Variants in MIA2 observed in about 807,000 individuals in gnomAD.
The protein encoded by MIA2 is MIA SH3 domain ER export factor 2.
In MIA2, 127 loss-of-function variants were observed where a neutral mutation model predicts 167.8. The ratio of observed to expected loss-of-function variants is 0.76; its 90% CI spans 0.66 to 0.88. The LOEUF (loss-of-function observed/expected upper bound fraction) is 0.88, where lower values mean the gene tolerates loss of function less well. Among genes scored for constraint, MIA2 ranks in the 40% least tolerant of loss-of-function variants. The pLI is 0.00. For synonymous variants in MIA2, 552 were observed against 541.9 expected (o/e 1.02, Z -0.26); for missense variants, 1,690 against 1,624.7 (o/e 1.04, Z -0.69).
At chr14:39,264,598 A>G (rs1416463740) in intron 6 of MIA2, among the ~76,000 whole-genome samples, 1 of 152,206 alleles carries the variant, frequency 6.6e-6, no homozygotes, top group African/African-American at 2.4e-5. Flanking sequence ...CAGAATATAC[A>G]ATGGAAATTA....
At chr14:39,250,922 A>G (rs957377665) in intron 4 of MIA2, among the ~76,000 whole-genome samples, 1 of 151,984 alleles carries the variant, frequency 6.6e-6, no homozygotes. Context: ...CCAAAACACT[A>G]CAATATTAAA....
chr14:39,343,625 T>C (rs1189065797), intron 25 of MIA2, among the ~76,000 whole-genome samples: 24 of 152,206 alleles, frequency 1.6e-4, no homozygotes, highest in Admixed American at 1.6e-3. Flanking sequence ...TTCCATTCTT[T>C]CTTTCTAATC....
Position 39,319,240 on chromosome 14 carries a change from T to G in MIA2, c.3316T>G (p.Leu1106Val), listed in dbSNP as rs1437174386. The G allele has an allele frequency of 2.5e-6, 4 of 1,576,938 alleles. No individual in the cohort carries two copies. Among genetic ancestry groups the G allele is most frequent in the Non-Finnish European group, 3.5e-6 (4 of 1,159,314 alleles). Reference protein sequence around the residue: ...LTETELKFELLEKDPYALDVP... With the variant: ...LTETELKFELVEKDPYALDVP... ...TGAAACAGAGCTTAAATTTGAACTT[T>G]TAGAAAAAGATCCTTATGCACTCGA... is the stretch of plus-strand genomic sequence containing the variant. The change falls in exon 23 of 29, where the codon TTA (leucine) becomes GTA (valine). Residue 1106 changes from leucine (L) to valine (V), a missense_variant. Leu to Val is a conservative substitution (Grantham distance 32). Transcript: ENST00000640607.
downstream of MIA2, among the ~76,000 whole-genome samples, chr14:39,351,721 G>A (rs1016940236): frequency 3.9e-5 from 6 of 152,018 alleles, no homozygotes; most frequent in Non-Finnish European, 7.4e-5. Flanking sequence ...AAACCTCACC[G>A]CAGTCTCCCA....
At chr14:39,290,330 T>A (rs115774422) in intron 9 of MIA2, among the ~76,000 whole-genome samples, 1,573 of 143,928 alleles carry the variant, frequency 0.011, 28 homozygotes, top group African/African-American at 0.04. Context: ...AGATATATAT[T>A]TTTTTTTTTG....
intron 22 of MIA2, among the ~76,000 whole-genome samples, chr14:39,318,677 G>A (rs2065903844): frequency 6.6e-6 from 1 of 152,072 alleles, no homozygotes; most frequent in Admixed American, 6.6e-5. Flanking sequence ...CTTTTAAAAT[G>A]TCACATTTGT....
At chr14:39,362,676 T>C (rs932861856) in intron 23 of MIA2, among the ~76,000 whole-genome samples, 1 of 152,198 alleles carries the variant, frequency 6.6e-6, no homozygotes, top group Non-Finnish European at 1.5e-5. Flanking sequence ...TAGTCTCTAT[T>C]TTGTTTAGTT....
intron 6 of MIA2, among the ~76,000 whole-genome samples, chr14:39,256,498 T>C (rs912662476): frequency 6.6e-6 from 1 of 152,182 alleles, no homozygotes; most frequent in Non-Finnish European, 1.5e-5. Flanking sequence ...GGATCAACAC[T>C]ACATTTTTCT....
At chr14:39,287,896 G>A (rs894303542) in intron 9 of MIA2, among the ~76,000 whole-genome samples, 2 of 152,054 alleles carry the variant, frequency 1.3e-5, no homozygotes, top group Non-Finnish European at 2.9e-5. Context: ...CCAGGATGGA[G>A]TGCAGTGGCA....
At chr14:39,246,285 A>AC (rs2054305306) in intron 3 of MIA2, among the ~76,000 whole-genome samples, 3 of 151,692 alleles carry the variant, frequency 2.0e-5, no homozygotes, top group Admixed American at 2.0e-4. Flanking sequence ...TTTAGTAGAG[A>AC]TGGGTTTCGC....
chr14:39,347,816 TTC>T (rs368338756), intron 27 of MIA2, 45 bp downstream of exon 27: 218 of 1,085,426 alleles, frequency 2.0e-4, no homozygotes, highest in South Asian at 3.4e-4. Flanking sequence ...TTCAGAAGCC[TTC>T]TTTTTTTTTT....
chr14:39,331,576 T>C (rs2068882423), intron 25 of MIA2, among the ~76,000 whole-genome samples: 1 of 152,006 alleles, frequency 6.6e-6, no homozygotes, highest in Non-Finnish European at 1.5e-5. Context: ...TTTTGTTGTG[T>C]TTTTGCAGTG....
chr14:39,324,152 T>C (rs1011091871), intron 24 of MIA2, among the ~76,000 whole-genome samples: 1 of 152,230 alleles, frequency 6.6e-6, no homozygotes, highest in African/African-American at 2.4e-5. Flanking sequence ...TTAGAACTTT[T>C]AGGTTTGTAA....
At chr14:39,277,770 A>ATATATGTGTG (rs2058364989) in intron 7 of MIA2, among the ~76,000 whole-genome samples, 1 of 38,842 alleles carries the variant, frequency 2.6e-5, no homozygotes, top group Non-Finnish European at 4.7e-5. Context: ...ATATATATAT[A>ATATATGTGTG]TATATATATA....
At chr14:39,246,871 GTACA>G in intron 3 of MIA2, 36 bp from the exon 4 acceptor site, 11 of 1,148,158 alleles carry the variant, frequency 9.6e-6, no homozygotes, top group Non-Finnish European at 1.3e-5. Flanking sequence ...AGGAGCTCTA[GTACA>G]TTCATGTTAA....
chr14:39,322,539 C>CAAAAA (rs541740480), intron 24 of MIA2, among the ~76,000 whole-genome samples: 2 of 78,216 alleles, frequency 2.6e-5, no homozygotes, highest in African/African-American at 4.8e-5. Context: ...GACTCCGTCT[C>CAAAAA]AAAAAAAAAA....
intron 24 of MIA2, among the ~76,000 whole-genome samples, chr14:39,324,854 A>G (rs2067161501): frequency 6.6e-6 from 1 of 151,958 alleles, no homozygotes; most frequent in Non-Finnish European, 1.5e-5. Context: ...TGATCCGCCC[A>G]CCTCGGCCTC....
chr14:39,290,884 C>T, intron 9 of MIA2, 135 bp from the exon 10 acceptor site: 1 of 813,700 alleles, frequency 1.2e-6, no homozygotes, highest in Non-Finnish European at 1.9e-6. Context: ...ATTTAAAAAA[C>T]TTAAAGCTAA....
At chr14:39,287,339 T>C (rs1261151601) in intron 9 of MIA2, among the ~76,000 whole-genome samples, 1 of 152,110 alleles carries the variant, frequency 6.6e-6, no homozygotes, top group Non-Finnish European at 1.5e-5. Flanking sequence ...CCTCCCAAAG[T>C]GCTGGGATTA....
Sources: gnomAD v4.1 joint callset for allele counts (sites outside exome capture counted in the v4.1 genomes callset) on GRCh38, gnomAD v4.1.1 for gene constraint, MANE v1.5 for transcripts, NCBI Gene and HGNC (gene_info 2026-07-23, HGNC 2026-07-21) for gene names.